RMDN2: variants seen among roughly 807,000 people sequenced by gnomAD.
RMDN2 encodes the protein regulator of microtubule dynamics 2.
A neutral mutation model predicts 52.8 loss-of-function variants in RMDN2; 61 were observed. The observed-to-expected ratio is 1.16, with a 90% CI of 0.94 to 1.43. The LOEUF is 1.43. RMDN2 is among the 40% of genes most tolerant of loss of function. The pLI is 0.00. For synonymous variants in RMDN2, 180 were observed against 153.1 expected, an observed-to-expected ratio of 1.18 and a Z score of -1.30; for missense variants, 592 against 475.3, an observed-to-expected ratio of 1.25 and a Z score of -2.28.
intron 10 of RMDN2, chr2:38,032,797 C>A (rs576455113): frequency 2.0e-5 from 3 of 152,390 alleles, no homozygotes. Flanking sequence ...CAAGATCGCA[C>A]CACTGCATTC....
At chr2:37,968,410 G>C (rs1241266786) in intron 2 of RMDN2, among the ~76,000 whole-genome samples, 1 of 136,274 alleles carries the variant, frequency 7.3e-6, no homozygotes. Context: ...CTGCCCTCCA[G>C]CCTGGGTGAC....
At chr2:37,928,880 G>C (rs1364539933) in intron 1 of RMDN2, 1 of 153,010 alleles carries the variant, frequency 6.5e-6, no homozygotes, top group Non-Finnish European at 1.5e-5. Context: ...TCTTCTATTT[G>C]TTTTCTATTT....
intron 7 of RMDN2, 29 bp from the exon 8 acceptor site, chr2:37,997,387 C>G (rs372129162): frequency 7.0e-7 from 1 of 1,418,660 alleles, no homozygotes; most frequent in Non-Finnish European, 1.0e-6. Flanking sequence ...GAACAACTTT[C>G]TAAGAGTGAT....
At chr2:37,933,524 C>T (rs1474958921) in intron 2 of RMDN2, among the ~76,000 whole-genome samples, 1 of 152,260 alleles carries the variant, frequency 6.6e-6, no homozygotes, top group Admixed American at 6.5e-5. Flanking sequence ...AATCCCGGCA[C>T]CTCGGGAGGC....
chr2:38,064,592 C>T (rs949726668), intron 10 of RMDN2, among the ~76,000 whole-genome samples: 4 of 151,988 alleles, frequency 2.6e-5, no homozygotes, highest in Non-Finnish European at 4.4e-5. Context: ...GAAGCAGGTG[C>T]GACAAAACTC....
intron 2 of RMDN2, among the ~76,000 whole-genome samples, chr2:37,948,039 C>A (rs1668370444): frequency 6.6e-6 from 1 of 152,176 alleles, no homozygotes; most frequent in Non-Finnish European, 1.5e-5. Flanking sequence ...GAAGACGCTT[C>A]TGCCTTGACT....
chr2:38,058,358 T>C (rs570352120), intron 10 of RMDN2, among the ~76,000 whole-genome samples: 27 of 152,378 alleles, frequency 1.8e-4, no homozygotes, highest in Middle Eastern at 6.8e-3. Flanking sequence ...AGCTTTGCCC[T>C]GCAGGAAGAA....
chr2:37,963,905 C>CCA (rs1558479689), intron 2 of RMDN2, among the ~76,000 whole-genome samples: 1 of 54,262 alleles, frequency 1.8e-5, no homozygotes, highest in Non-Finnish European at 6.0e-5. Flanking sequence ...GGCAGAGGCG[C>CCA]CCCCCCACCT....
In RMDN2 at chr2:37,929,609, T is replaced by G. The variant is rs551445899; in HGVS notation, c.332T>G (p.Leu111Arg). Residue 111 changes from leucine (L) to arginine (R), a missense_variant, in exon 2 of 11, where the codon CTT (leucine) becomes CGT (arginine). By Grantham distance (102) the Leu-to-Arg change is moderately radical (BLOSUM62 -2). Transcript: ENST00000354545. ...PKLEEYIQDE[L>R]GGKITVHKIS... ...CTGGAGGAATATATACAAGATGAAC[T>G]TGGAGGGAAAATAACTGTTCATAAG... The G allele has an allele frequency of 7.5e-5, 116 of 1,551,386 alleles. No homozygotes were observed. The highest frequency in any genetic ancestry group is 9.9e-5 in the Non-Finnish European group (113 of 1,146,824).
chr2:37,978,511 T>C (rs1192730327), intron 4 of RMDN2, among the ~76,000 whole-genome samples: 1 of 151,812 alleles, frequency 6.6e-6, no homozygotes. Context: ...CAAAAACGAA[T>C]GGAAATAAGC....
rs531743489 is a variant in RMDN2, at chr2:37,957,680, T to C, written c.453-16360T>C. On this transcript the variant is annotated intron_variant, in intron 2 of 10. Transcript: ENST00000354545. ...CCAATTTGTCTATTTTTACTTTTGT[T>C]GCAATTGCTTTTGGTGTTTTAGTCA... Among the ~76,000 whole-genome samples the C allele has an allele frequency of 2.2e-4, 33 of 152,348 alleles. No homozygotes were observed. The South Asian group carries it at 6.6e-3, about 31-fold the overall frequency.
chr2:38,034,416 C>A (rs1043336500), intron 10 of RMDN2, among the ~76,000 whole-genome samples: 2 of 152,150 alleles, frequency 1.3e-5, no homozygotes, highest in Non-Finnish European at 1.5e-5. Flanking sequence ...AGAAGACATT[C>A]AGAGGGCAAT....
intron 2 of RMDN2, among the ~76,000 whole-genome samples, chr2:37,957,178 T>C (rs1160816494): frequency 1.3e-5 from 2 of 152,228 alleles, no homozygotes; most frequent in African/African-American, 2.4e-5. Context: ...ATCCCGTTAA[T>C]GGGATTGCTG....
At chr2:37,992,297 C>T (rs367914900) in intron 7 of RMDN2, among the ~76,000 whole-genome samples, 4 of 152,108 alleles carry the variant, frequency 2.6e-5, no homozygotes, top group Admixed American at 6.5e-5. Context: ...AGAAAACTTA[C>T]ATTTTGTTAA....
At chr2:38,044,380 G>A (rs1681145191) in intron 10 of RMDN2, among the ~76,000 whole-genome samples, 1 of 151,696 alleles carries the variant, frequency 6.6e-6, no homozygotes. Flanking sequence ...TATCCCTCCT[G>A]GTTTTCTCTG....
At chr2:37,952,899 A>T (rs894661291) in intron 2 of RMDN2, 1 of 152,038 alleles carries the variant, frequency 6.6e-6, no homozygotes, top group Non-Finnish European at 1.5e-5. Context: ...TTTTATTTTT[A>T]AAAATGAATA....
At chr2:37,959,559 C>G (rs532915664) in intron 2 of RMDN2, among the ~76,000 whole-genome samples, 2 of 150,916 alleles carry the variant, frequency 1.3e-5, no homozygotes, top group South Asian at 4.1e-4. Flanking sequence ...CTTTATTAAT[C>G]TGGCTAGCGA....
chr2:37,921,323 T>A (rs911281254), upstream of RMDN2, among the ~76,000 whole-genome samples: 15 of 152,318 alleles, frequency 9.8e-5, no homozygotes, highest in Admixed American at 9.8e-4. Flanking sequence ...CAAGTTAGTT[T>A]CTTTTCAGAA....
chr2:38,054,819 G>A (rs1681790452), intron 10 of RMDN2, among the ~76,000 whole-genome samples: 1 of 152,028 alleles, frequency 6.6e-6, no homozygotes, highest in African/African-American at 2.4e-5. Context: ...CTCACTACTG[G>A]ACCATCCCTC....
Sources: gnomAD v4.1 joint callset for allele counts (sites outside exome capture counted in the v4.1 genomes callset) on GRCh38, gnomAD v4.1.1 for gene constraint, MANE v1.5 for transcripts, NCBI Gene and HGNC (gene_info 2026-07-23, HGNC 2026-07-21) for gene names.